CTNNA3: variants seen among roughly 807,000 people sequenced by gnomAD.
CTNNA3 encodes the protein catenin alpha-3.
Under a neutral mutation model 95.7 loss-of-function variants are expected in CTNNA3, and 76 were observed. The ratio of observed to expected loss-of-function variants is 0.79; its 90% CI spans 0.66 to 0.96. The LOEUF (loss-of-function observed/expected upper bound fraction) is 0.96, where lower values mean the gene tolerates loss of function less well. Ranked by LOEUF, CTNNA3 falls within the 40% of genes least tolerant of loss-of-function variation. CTNNA3 has a pLI of 0.00. For synonymous variants in CTNNA3, 431 were observed against 374.4 expected, an observed-to-expected ratio of 1.15 and a Z score of -1.74; for missense variants, 1,191 against 1,089.8, an observed-to-expected ratio of 1.09 and a Z score of -1.31.
At chr10:67,451,581 T>G (rs1449748128) in intron 5 of CTNNA3, among the ~76,000 whole-genome samples, 1 of 152,190 alleles carries the variant, frequency 6.6e-6, no homozygotes, top group Non-Finnish European at 1.5e-5. Context: ...TGAAGCAGGT[T>G]CTGGCTCTTA....
At chr10:67,741,970 G>C (rs1841342369) in intron 1 of CTNNA3, among the ~76,000 whole-genome samples, 1 of 151,126 alleles carries the variant, frequency 6.6e-6, no homozygotes, top group African/African-American at 2.4e-5. Flanking sequence ...CCCAAATATT[G>C]GGTGCACCCA....
chr10:67,249,109 CT>C (rs1866011969), intron 5 of CTNNA3, among the ~76,000 whole-genome samples: 1 of 151,516 alleles, frequency 6.6e-6, no homozygotes, highest in South Asian at 2.1e-4. Context: ...TTCATGAAAA[CT>C]AAAAAATTTT....
intron 7 of CTNNA3, among the ~76,000 whole-genome samples, chr10:67,169,208 C>A (rs910456478): frequency 6.6e-6 from 1 of 152,180 alleles, no homozygotes; most frequent in African/African-American, 2.4e-5. Context: ...AATGGCCATA[C>A]TGCCCAAAGC....
At chr10:66,658,570 C>T (rs1589083395) in intron 9 of CTNNA3, among the ~76,000 whole-genome samples, 1 of 152,166 alleles carries the variant, frequency 6.6e-6, no homozygotes. Flanking sequence ...GTGAGGCTAC[C>T]GTTAAGTGCC....
chr10:67,690,546 C>G (rs895153717), intron 1 of CTNNA3, among the ~76,000 whole-genome samples: 2 of 152,062 alleles, frequency 1.3e-5, no homozygotes, highest in East Asian at 3.9e-4. Context: ...ATTTACAAAC[C>G]TTTAGCTAGA....
In CTNNA3 at chr10:65,917,961, T is replaced by A. The variant is rs2077027173; in HGVS notation, c.*2369A>T. ...CAGATGCCTTTTTCAGCTCTATGCA[T>A]CTTGTTTTTATGTCACTATCGATTA... On this transcript the variant is annotated 3_prime_UTR_variant, in exon 18 of 18. Transcript: ENST00000433211. The A allele has an allele frequency of 6.6e-6, 1 of 152,132 alleles. No homozygotes were observed. Among genetic ancestry groups the A allele is most frequent in the African/African-American group, 2.4e-5 (1 of 41,428 alleles). The allele number at this position is 152,132 out of a possible 1,614,324, so 9.4% of individuals were successfully genotyped here.
At chr10:67,161,663 A>G (rs867207400) in intron 7 of CTNNA3, among the ~76,000 whole-genome samples, 2 of 152,186 alleles carry the variant, frequency 1.3e-5, no homozygotes, top group South Asian at 2.1e-4. Flanking sequence ...ATAGGTAGAT[A>G]GATTAGACAT....
intron 7 of CTNNA3, among the ~76,000 whole-genome samples, chr10:67,103,800 T>G (rs1040352359): frequency 2.6e-5 from 4 of 151,714 alleles, no homozygotes; most frequent in African/African-American, 7.2e-5. Context: ...ATTCTTATTC[T>G]GAACACAGCA....
chr10:67,311,996 T>C (rs1247603764), intron 5 of CTNNA3, among the ~76,000 whole-genome samples: 1 of 151,686 alleles, frequency 6.6e-6, no homozygotes, highest in African/African-American at 2.4e-5. Context: ...CTCACCTCAC[T>C]ACAATCACAC....
intron 1 of CTNNA3, among the ~76,000 whole-genome samples, chr10:67,663,730 C>G (rs771550919): frequency 2.3e-4 from 35 of 152,322 alleles, no homozygotes; most frequent in Middle Eastern, 3.4e-3. Flanking sequence ...AAATGACTGT[C>G]CCTGGCTCAT....
intron 7 of CTNNA3, among the ~76,000 whole-genome samples, chr10:67,047,343 G>C (rs544080495): frequency 6.6e-6 from 1 of 152,272 alleles, no homozygotes; most frequent in East Asian, 1.9e-4. Context: ...GTGCCCCTAG[G>C]AGGAGACTGT....
At chr10:66,802,473 A>T (rs1841467321) in intron 7 of CTNNA3, among the ~76,000 whole-genome samples, 1 of 151,866 alleles carries the variant, frequency 6.6e-6, no homozygotes, top group Non-Finnish European at 1.5e-5. Context: ...GGCTAAAATT[A>T]AAAAGACTGA....
intron 6 of CTNNA3, among the ~76,000 whole-genome samples, chr10:67,210,476 T>C (rs1022779453): frequency 6.6e-6 from 1 of 152,316 alleles, no homozygotes; most frequent in East Asian, 1.9e-4. Context: ...TGCCTCTTTT[T>C]TGTACACATC....
chr10:66,274,407 T>C (rs776804541), intron 13 of CTNNA3, among the ~76,000 whole-genome samples: 3 of 152,126 alleles, frequency 2.0e-5, no homozygotes, highest in Non-Finnish European at 4.4e-5. Context: ...TGCCACCTGC[T>C]GATCTAAAAT....
At chr10:67,699,889 C>T (rs953029495), upstream of CTNNA3, among the ~76,000 whole-genome samples, 5 of 152,344 alleles carry the variant, frequency 3.3e-5, no homozygotes, top group Admixed American at 6.5e-5. Flanking sequence ...GGGTGACAGA[C>T]GGCACCTGGA....
intron 1 of CTNNA3, among the ~76,000 whole-genome samples, chr10:67,682,936 A>G (rs777079739): frequency 2.3e-4 from 35 of 152,350 alleles, no homozygotes; most frequent in Middle Eastern, 3.4e-3. Context: ...TAGAACTGCT[A>G]TGCATCTGTC....
chr10:66,936,548 T>C (rs1178206783), intron 7 of CTNNA3, among the ~76,000 whole-genome samples: 3 of 152,142 alleles, frequency 2.0e-5, no homozygotes, highest in Non-Finnish European at 4.4e-5. Flanking sequence ...GTGCACTGCC[T>C]TGCCTGTTTT....
intron 16 of CTNNA3, among the ~76,000 whole-genome samples, chr10:65,979,669 T>C (rs1179697352): frequency 6.6e-6 from 1 of 152,076 alleles, no homozygotes. Context: ...CATAGTTTTG[T>C]AACTATACAT....
At chr10:66,197,397 G>A (rs759943875) in intron 13 of CTNNA3, among the ~76,000 whole-genome samples, 6 of 149,340 alleles carry the variant, frequency 4.0e-5, no homozygotes, top group East Asian at 2.0e-4. Context: ...ATCTATCCAC[G>A]TTGCTCTCCA....
Sources: gnomAD v4.1 joint callset for allele counts (sites outside exome capture counted in the v4.1 genomes callset) on GRCh38, gnomAD v4.1.1 for gene constraint, MANE v1.5 for transcripts, NCBI Gene and HGNC (gene_info 2026-07-23, HGNC 2026-07-21) for gene names.